Variants in BLVRA observed in about 807,000 individuals in gnomAD.
BLVRA encodes the protein BVR A.
Under a neutral mutation model 32.8 loss-of-function variants are expected in BLVRA, and 22 were observed. The observed-to-expected ratio is 0.67, with a 90% confidence interval of 0.48 to 0.96. The LOEUF (loss-of-function observed/expected upper bound fraction) is 0.96. BLVRA is among the 40% of genes least tolerant of loss of function. BLVRA has a pLI of 0.00. For synonymous variants in BLVRA, 119 were observed against 141.3 expected (o/e 0.84, Z 1.12); for missense variants, 323 against 358.1 (o/e 0.90, Z 0.79).
At chr7:43,806,143 T>C (rs2095803828) in intron 7 of BLVRA, among the ~76,000 whole-genome samples, 1 of 152,086 alleles carries the variant, frequency 6.6e-6, no homozygotes, top group African/African-American at 2.4e-5. Flanking sequence ...TGAAACCTTG[T>C]CTCTACTAAA....
At chr7:43,788,313 C>A (rs1466985735) in intron 3 of BLVRA, among the ~76,000 whole-genome samples, 1 of 152,198 alleles carries the variant, frequency 6.6e-6, no homozygotes. Context: ...AAAACACATG[C>A]ATGGGGCTTT....
At position 43,807,018 on chromosome 7, in the gene BLVRA, G is replaced by A. The variant is rs201354201; in HGVS notation, c.674G>A (p.Arg225Gln). 9 of 1,614,014 alleles carry A rather than the reference G, an allele frequency of 5.6e-6. No homozygotes were observed. The highest frequency in any genetic ancestry group is 1.7e-5 in the Admixed American group (1 of 60,006). ...GAAGAAAAAGGACCTGGTCTAAAAC[G>A]AAACAGATATTTAAGCTTCCATTTC... ...WIEEKGPGLK[R>Q]NRYLSFHFKS... The change falls in exon 8 of 8, where the codon CGA becomes CAA. Residue 225 changes from arginine to glutamine, a missense_variant. By Grantham distance (43) the Arg-to-Gln change is conservative (BLOSUM62 1). Coordinates refer to ENST00000265523, the MANE Select transcript of BLVRA (RefSeq NM_000712.4).
In BLVRA at chr7:43,765,715, G is replaced by C. The variant is rs138577639; in HGVS notation, c.-21-5423G>C. 5.2e-3 allele frequency among the ~76,000 whole-genome samples: 786 copies of C among 152,248 alleles called. 1 individual carries two copies. The highest frequency in any genetic ancestry group is 8.4e-3 in the Non-Finnish European group (570 of 68,030). On this transcript the variant is annotated intron_variant, in intron 1 of 7. Transcript: ENST00000265523. The stretch of plus-strand genomic sequence containing the variant: ...GTAAGATGTTCTAAAATTAATGAGA[G>C]AACTTGAATTACCAGGTATTGAAAC...
intron 1 of BLVRA, among the ~76,000 whole-genome samples, chr7:43,762,224 T>C (rs998729122): frequency 6.6e-6 from 1 of 152,102 alleles, no homozygotes; most frequent in African/African-American, 2.4e-5. Flanking sequence ...TAATTCTTTG[T>C]GTATGTGTAG....
At chr7:43,773,134 AATTTT>A (rs1201531684) in intron 2 of BLVRA, among the ~76,000 whole-genome samples, 1 of 151,762 alleles carries the variant, frequency 6.6e-6, no homozygotes, top group Non-Finnish European at 1.5e-5. Flanking sequence ...TTTTTAATTT[AATTTT>A]ATTTTATTAT....
At chr7:43,786,103 A>G (rs2095777157) in intron 2 of BLVRA, among the ~76,000 whole-genome samples, 2 of 152,056 alleles carry the variant, frequency 1.3e-5, no homozygotes, top group African/African-American at 2.4e-5. Flanking sequence ...TAGACTGAGT[A>G]AAAAAAAGCA....
At chr7:43,800,246 A>G (rs2095797200) in intron 5 of BLVRA, among the ~76,000 whole-genome samples, 1 of 152,162 alleles carries the variant, frequency 6.6e-6, no homozygotes, top group Admixed American at 6.6e-5. Context: ...ATGAGCCACC[A>G]TGCCTGGCCT....
intron 2 of BLVRA, among the ~76,000 whole-genome samples, chr7:43,774,189 G>T (rs1393371710): frequency 6.6e-6 from 1 of 152,140 alleles, no homozygotes; most frequent in East Asian, 1.9e-4. Context: ...ATTGCTTTTG[G>T]TGTTTTAGAC....
chr7:43,771,053 G>A lies in BLVRA; in HGVS notation c.-21-85G>A, dbSNP rs2095754136. 9 of 1,138,666 alleles carry A rather than the reference G, an allele frequency of 7.9e-6. No homozygotes were observed. In the East Asian group the frequency reaches 2.1e-4, roughly 27 times the overall value. 70.5% of individuals were successfully genotyped at this position (1,138,666 alleles called of 1,614,324 possible). A position where few individuals can be genotyped will look rare whatever the true frequency, so the allele number is the denominator to read the frequency against. On this transcript the variant is annotated intron_variant, in intron 1 of 7. Coordinates refer to ENST00000265523, the MANE Select transcript of BLVRA (RefSeq NM_000712.4). ...AATGATGGGACAGGAAGCAGTGGGGGAGCATGGGGTGGCAAAGGGGAATGT... is the reference window on the plus strand; with the variant it reads ...AATGATGGGACAGGAAGCAGTGGGGAAGCATGGGGTGGCAAAGGGGAATGT...
rs545404532 is a variant in BLVRA, at chr7:43,764,910, T to G, written c.-22+6176T>G. The stretch of plus-strand genomic sequence containing the variant: ...AGGCACAAGGGACCCCGTGTCCTGC[T>G]CTTGATCACATAGCTAGTGGGTGCC... On this transcript the variant is annotated intron_variant, in intron 1 of 7. Transcript: ENST00000265523. Among the ~76,000 whole-genome samples, 14 of 152,326 alleles carry G rather than the reference T, an allele frequency of 9.2e-5. No homozygotes were observed. The South Asian group carries it at 2.5e-3, about 27-fold the overall frequency.
intron 5 of BLVRA, among the ~76,000 whole-genome samples, chr7:43,796,616 T>C (rs2095793129): frequency 6.6e-6 from 1 of 152,088 alleles, no homozygotes; most frequent in South Asian, 2.1e-4. Context: ...GAAGAAAACA[T>C]GGGAAAGCAT....
chr7:43,771,209 C>A (rs1229275330), intron 2 of BLVRA, 39 bp downstream of exon 2: 2 of 1,605,456 alleles, frequency 1.2e-6, no homozygotes, highest in Non-Finnish European at 1.7e-6. Flanking sequence ...GGATGCTTTT[C>A]TTATTGTGTC....
intron 2 of BLVRA, among the ~76,000 whole-genome samples, chr7:43,786,199 G>A (rs1464811581): frequency 6.6e-6 from 1 of 152,118 alleles, no homozygotes; most frequent in African/African-American, 2.4e-5. Context: ...GGGAAAAAAT[G>A]TATTATGCAA....
chr7:43,796,013 A>G (rs1034786774), intron 5 of BLVRA, among the ~76,000 whole-genome samples: 1 of 151,470 alleles, frequency 6.6e-6, no homozygotes, highest in African/African-American at 2.4e-5. Context: ...CTGAGACAGG[A>G]GAATCACTTG....
At chr7:43,767,442 CTT>C (rs2132547217) in intron 1 of BLVRA, 1 of 1,549,236 alleles carries the variant, frequency 6.5e-7, no homozygotes, top group East Asian at 2.3e-5. Context: ...ACAACTAAAT[CTT>C]ATATATCTGG....
chr7:43,773,539 T>C (rs979368889), intron 2 of BLVRA, among the ~76,000 whole-genome samples: 1 of 152,250 alleles, frequency 6.6e-6, no homozygotes, highest in Admixed American at 6.5e-5. Flanking sequence ...AGTCTATCAT[T>C]GATGGACATT....
At position 43,787,031 on chromosome 7, in the gene BLVRA, T is replaced by C. The variant is rs1286376536; in HGVS notation, c.13-873T>C. 6.6e-6 allele frequency among the ~76,000 whole-genome samples: 1 copy of C among 152,080 alleles called. No individual in the cohort carries two copies. Among genetic ancestry groups the C allele is most frequent in the African/African-American group, 2.4e-5 (1 of 41,392 alleles). On this transcript the variant is annotated intron_variant, in intron 2 of 7. Coordinates refer to ENST00000265523, the MANE Select transcript of BLVRA (RefSeq NM_000712.4). The surrounding 1 kb of genome is among the most constrained non-coding windows in gnomAD (Gnocchi z 4.5). ...TCCGCCTCCCAGGTTCAAGCAATTCTCCTGCCTCGGCCTCCTAAGTAGCTG... is the reference window on the plus strand; with the variant it reads ...TCCGCCTCCCAGGTTCAAGCAATTCCCCTGCCTCGGCCTCCTAAGTAGCTG...
chr7:43,765,467 G>A (rs377056409), intron 1 of BLVRA, among the ~76,000 whole-genome samples: 5 of 152,068 alleles, frequency 3.3e-5, no homozygotes, highest in African/African-American at 1.2e-4. Flanking sequence ...GGCCAGGCTC[G>A]TCTTGAACTC....
intron 2 of BLVRA, among the ~76,000 whole-genome samples, chr7:43,785,105 T>C (rs890054008): frequency 6.6e-6 from 1 of 152,146 alleles, no homozygotes; most frequent in Non-Finnish European, 1.5e-5. Flanking sequence ...TTCTTAACCT[T>C]GTGCCTTTTT....
Sources: gnomAD v4.1 joint callset for allele counts (sites outside exome capture counted in the v4.1 genomes callset) on GRCh38, gnomAD v4.1.1 for gene constraint, Gnocchi (gnomAD v3.1) non-coding constraint, MANE v1.5 for transcripts, NCBI Gene and HGNC (gene_info 2026-07-23, HGNC 2026-07-21) for gene names.